Variants in DNMBP observed in about 807,000 individuals in gnomAD.
DNMBP encodes the protein dynamin binding protein, also known as dynamin-binding protein.
DNMBP carries 87 observed loss-of-function variants against 150.0 expected under a neutral mutation model. The ratio of observed to expected loss-of-function variants is 0.58; its 90% CI spans 0.49 to 0.69. The LOEUF (loss-of-function observed/expected upper bound fraction) is 0.69, where lower values mean the gene tolerates loss of function less well. Among genes scored for constraint, DNMBP ranks in the 30% least tolerant of loss-of-function variants. DNMBP has a pLI of 0.00. For synonymous variants in DNMBP, 711 were observed against 750.4 expected (o/e 0.95, Z 0.86); for missense variants, 1,774 against 1,949.0 (o/e 0.91, Z 1.69).
chr10:100,001,419 T>TG (rs2041011440), intron 1 of DNMBP, among the ~76,000 whole-genome samples: 4 of 142,028 alleles, frequency 2.8e-5, no homozygotes, highest in Admixed American at 2.8e-4. Context: ...TGTTGTTTTT[T>TG]TTTTTTTTTT....
At chr10:99,907,458 C>T (rs1409347511) in intron 6 of DNMBP, among the ~76,000 whole-genome samples, 5 of 150,150 alleles carry the variant, frequency 3.3e-5, no homozygotes, top group Non-Finnish European at 5.9e-5. Flanking sequence ...TGTAGTGGCT[C>T]GTGGCGCGAT....
At chr10:99,983,635 C>T (rs894572976) in intron 1 of DNMBP, among the ~76,000 whole-genome samples, 7 of 152,346 alleles carry the variant, frequency 4.6e-5, no homozygotes, top group Middle Eastern at 3.4e-3. Context: ...CGGCCTCCTA[C>T]CCTGCGTGCC....
intron 7 of DNMBP, among the ~76,000 whole-genome samples, chr10:99,899,481 A>G (rs2133228295): frequency 6.6e-6 from 1 of 151,906 alleles, no homozygotes; most frequent in Non-Finnish European, 1.5e-5. Context: ...GTGTGCCTGT[A>G]ATTCCAGCTA....
intron 6 of DNMBP, among the ~76,000 whole-genome samples, chr10:99,903,142 T>C (rs546727917): frequency 4.6e-4 from 69 of 148,736 alleles, no homozygotes; most frequent in Non-Finnish European, 5.9e-4. Context: ...GGTCTCACTA[T>C]GTTGCCCAGG....
chr10:99,998,110 C>CT (rs780534637), intron 1 of DNMBP, among the ~76,000 whole-genome samples: 1 of 150,862 alleles, frequency 6.6e-6, no homozygotes, highest in Non-Finnish European at 1.5e-5. Flanking sequence ...TGGCGCACAC[C>CT]TGTATTCCCA....
At chr10:99,950,149 T>C (rs189715604) in intron 4 of DNMBP, among the ~76,000 whole-genome samples, 58 of 152,290 alleles carry the variant, frequency 3.8e-4, no homozygotes, top group Non-Finnish European at 7.5e-4. Flanking sequence ...TCACAAAAGA[T>C]GGTGTTTTGA....
intron 3 of DNMBP, among the ~76,000 whole-genome samples, chr10:99,967,873 G>A (rs2040636321): frequency 6.6e-6 from 1 of 152,108 alleles, no homozygotes; most frequent in Non-Finnish European, 1.5e-5. Context: ...TGGTTTCTCT[G>A]TTTATGCAGA....
chr10:99,917,987 A>AG (rs1389460475), intron 4 of DNMBP, among the ~76,000 whole-genome samples: 6 of 54,706 alleles, frequency 1.1e-4, no homozygotes, highest in African/African-American at 4.0e-4. Flanking sequence ...AAAAAAAAAA[A>AG]AAAGAAAAGA....
At chr10:99,925,561 G>A (rs900495816) in intron 4 of DNMBP, among the ~76,000 whole-genome samples, 7 of 151,966 alleles carry the variant, frequency 4.6e-5, no homozygotes, top group African/African-American at 1.7e-4. Context: ...GACTACAGGC[G>A]CCCACCAACA....
chr10:99,917,703 T>C (rs925850445), intron 4 of DNMBP, among the ~76,000 whole-genome samples: 5 of 151,966 alleles, frequency 3.3e-5, no homozygotes, highest in Non-Finnish European at 5.9e-5. Flanking sequence ...CGGTGGCTCA[T>C]GCCTGCAATC....
At chr10:99,966,074 T>C (rs951448862) in intron 3 of DNMBP, among the ~76,000 whole-genome samples, 1 of 152,162 alleles carries the variant, frequency 6.6e-6, no homozygotes, top group Non-Finnish European at 1.5e-5. Context: ...GAAATTAAAA[T>C]CATTTGTGCA....
At chr10:99,896,198 G>C in intron 10 of DNMBP, 69 bp downstream of exon 10, 1 of 1,554,940 alleles carries the variant, frequency 6.4e-7, no homozygotes, top group South Asian at 1.2e-5. Flanking sequence ...TTGACGCCAG[G>C]CAGGCTGTCT....
chr10:99,959,682 G>A (rs563819933), intron 3 of DNMBP, among the ~76,000 whole-genome samples: 11 of 151,414 alleles, frequency 7.3e-5, no homozygotes, highest in East Asian at 1.9e-4. Context: ...GTGAGACCGC[G>A]TCTCTATTTA....
At position 99,955,213 on chromosome 10, in the gene DNMBP, C is replaced by A. The variant is rs763517648; in HGVS notation, c.2260+1G>T. On this transcript the variant is annotated splice_donor_variant, in intron 4 of 16. Transcript: ENST00000324109. LOFTEE classifies it high-confidence loss of function. ...TTACATATTATTTCCTCGTCACTTA[C>A]CTCTTAGTTGCTGGAGTTCCATATT... The A allele has an allele frequency of 6.8e-6, 11 of 1,611,388 alleles. No individual in the cohort carries two copies. Among genetic ancestry groups the A allele is most frequent in the Non-Finnish European group, 9.3e-6 (11 of 1,178,042 alleles).
intron 4 of DNMBP, chr10:99,928,045 G>A (rs759402413): frequency 6.6e-6 from 1 of 152,140 alleles, no homozygotes; most frequent in East Asian, 1.9e-4. Context: ...GAATTTAGAA[G>A]TTATCCAGTC....
At chr10:99,913,253 C>G (rs1431403393) in intron 4 of DNMBP, among the ~76,000 whole-genome samples, 1 of 152,062 alleles carries the variant, frequency 6.6e-6, no homozygotes, top group African/African-American at 2.4e-5. Flanking sequence ...AGCTGGGGAG[C>G]CTTGGAAATG....
chr10:99,898,708 A>T, intron 8 of DNMBP, 35 bp downstream of exon 8: 1 of 1,611,662 alleles, frequency 6.2e-7, no homozygotes, highest in Non-Finnish European at 8.5e-7. Flanking sequence ...CCACAGAAGA[A>T]ATGAGCGCAT....
In DNMBP at chr10:99,967,668, G is replaced by GGGGT. The variant is rs1554871377; in HGVS notation, c.268+1446_268+1447insACCC. On this transcript the variant is annotated intron_variant, in intron 3 of 16. Coordinates refer to ENST00000324109, the MANE Select transcript of DNMBP (RefSeq NM_015221.4). Reference sequence around the variant, plus strand: ...TAGAGAAGTTTGATAGGTTTTTCTGGGTGTGTGTGTGTGTGTGTGTGTGTG... The same window carrying GGGGT: ...TAGAGAAGTTTGATAGGTTTTTCTGGGGGTGTGTGTGTGTGTGTGTGTGTGTGTG... Among the ~76,000 whole-genome samples the GGGGT allele has an allele frequency of 2.5e-4, 36 of 145,642 alleles. 1 individual carries two copies. Among genetic ancestry groups the GGGGT allele is most frequent in the Admixed American group, 1.8e-3 (27 of 14,646 alleles).
intron 16 of DNMBP, among the ~76,000 whole-genome samples, chr10:99,878,356 G>A (rs1345423403): frequency 6.6e-6 from 1 of 152,216 alleles, no homozygotes; most frequent in African/African-American, 2.4e-5. Context: ...CCAAGGGCTG[G>A]AGCTTTAGGA....
Sources: gnomAD v4.1 joint callset for allele counts (sites outside exome capture counted in the v4.1 genomes callset) on GRCh38, gnomAD v4.1.1 for gene constraint, MANE v1.5 for transcripts, NCBI Gene and HGNC (gene_info 2026-07-23, HGNC 2026-07-21) for gene names.